Variants in CCDC85A observed in about 807,000 individuals in gnomAD.
The protein encoded by CCDC85A is coiled-coil domain-containing protein 85A.
In CCDC85A, 38 loss-of-function variants were observed where a neutral mutation model predicts 50.2. The ratio of observed to expected loss-of-function variants is 0.76; its 90% CI spans 0.58 to 0.99. The LOEUF (loss-of-function observed/expected upper bound fraction) is 0.99, where lower values mean the gene tolerates loss of function less well. CCDC85A is among the 50% of genes least tolerant of loss of function. The pLI is 0.00. For missense variants in CCDC85A, 820 were observed against 742.0 expected (o/e 1.11, Z -1.22); for synonymous variants, 366 against 301.4 (o/e 1.21, Z -2.22).
chr2:56,289,283 A>G (rs763377148), intron 2 of CCDC85A, among the ~76,000 whole-genome samples: 6 of 152,140 alleles, frequency 3.9e-5, no homozygotes, highest in African/African-American at 7.2e-5. Context: ...ACTATTCAGT[A>G]TGACAGACAT....
At chr2:56,332,132 A>T (rs895315052) in intron 2 of CCDC85A, among the ~76,000 whole-genome samples, 3 of 152,222 alleles carry the variant, frequency 2.0e-5, no homozygotes, top group Non-Finnish European at 2.9e-5. Context: ...GGGCATATGT[A>T]ACCAAAAGAG....
In CCDC85A at chr2:56,198,960, A is replaced by C. The variant is rs138076675; in HGVS notation, c.1240+5520A>C. Among the ~76,000 whole-genome samples, 352 of 152,342 alleles carry C rather than the reference A, an allele frequency of 2.3e-3. 3 individuals are homozygous for C. The highest frequency in any genetic ancestry group is 8.2e-3 in the African/African-American group (339 of 41,584). ...CTAGTTGCTGCCATAAAGTAAACCA[A>C]GAATCTCTTTCAACTGATTATAATC... On this transcript the variant is annotated intron_variant, in intron 2 of 5. Coordinates refer to ENST00000407595, the MANE Select transcript of CCDC85A (RefSeq NM_001080433.2).
chr2:56,193,023 A>G lies in CCDC85A; in HGVS notation c.823A>G (p.Lys275Glu). 1.2e-6 allele frequency: 2 copies of G among 1,613,882 alleles called. No individual in the cohort carries two copies. The highest frequency in any genetic ancestry group is 1.7e-6 in the Non-Finnish European group (2 of 1,179,864). Residue 275 changes from lysine to glutamate, a missense_variant, in exon 2 of 6, where the codon AAA becomes GAA. Lys to Glu is a moderately conservative substitution (Grantham distance 56, BLOSUM62 1). Transcript: ENST00000407595. Reference sequence around the variant, plus strand: ...AACCCCAGATCGCCCCAAAGCACTCAAAGGACCTAGCCCGGAGCACCACAA... The same window carrying G: ...AACCCCAGATCGCCCCAAAGCACTCGAAGGACCTAGCCCGGAGCACCACAA... ...CGTPDRPKAL[K>E]GPSPEHHKPL...
intron 2 of CCDC85A, among the ~76,000 whole-genome samples, chr2:56,246,356 C>T (rs911383197): frequency 1.3e-5 from 2 of 151,816 alleles, no homozygotes; most frequent in African/African-American, 2.4e-5. Context: ...TGATAATGTC[C>T]TTTGAAGCAT....
At chr2:56,269,079 A>G (rs1670584753) in intron 2 of CCDC85A, among the ~76,000 whole-genome samples, 1 of 151,964 alleles carries the variant, frequency 6.6e-6, no homozygotes. Flanking sequence ...TTCTTACCTC[A>G]TCCCTTCTTG....
chr2:56,349,756 A>G (rs1446970466), intron 3 of CCDC85A, among the ~76,000 whole-genome samples: 1 of 152,216 alleles, frequency 6.6e-6, no homozygotes, highest in Non-Finnish European at 1.5e-5. Context: ...TGTGTTATCA[A>G]TAATTCATAT....
chr2:56,226,194 A>T (rs1668535352), intron 2 of CCDC85A, among the ~76,000 whole-genome samples: 1 of 152,210 alleles, frequency 6.6e-6, no homozygotes, highest in South Asian at 2.1e-4. Context: ...CCAGCCATTT[A>T]CTTGCTCTGA....
At chr2:56,304,349 G>A (rs1016604159) in intron 2 of CCDC85A, among the ~76,000 whole-genome samples, 1 of 152,166 alleles carries the variant, frequency 6.6e-6, no homozygotes, top group Admixed American at 6.5e-5. Flanking sequence ...CACTGAAAAT[G>A]TATTCTGAGT....
At chr2:56,269,274 TCTACTGCTCTTTAGCTGGC>T (rs1670593309) in intron 2 of CCDC85A, among the ~76,000 whole-genome samples, 1 of 152,086 alleles carries the variant, frequency 6.6e-6, no homozygotes, top group African/African-American at 2.4e-5. Flanking sequence ...TACTCCCAGC[TCTACTGCTCTTTAGCTGGC>T]TCCCAAAATG....
rs529710443 is a variant in CCDC85A at position 56,242,433 on chromosome 2, A to T, written c.1240+48993A>T. On this transcript the variant is annotated intron_variant, in intron 2 of 5. Coordinates refer to ENST00000407595, the MANE Select transcript of CCDC85A (RefSeq NM_001080433.2). ...AAGGCAAAGGGGGAGTAGGCACATCACATGGTGAGAATGGAGCAAGAAAGA... is the reference window on the plus strand; with the variant it reads ...AAGGCAAAGGGGGAGTAGGCACATCTCATGGTGAGAATGGAGCAAGAAAGA... Among the ~76,000 whole-genome samples, 10 of 152,242 alleles carry T rather than the reference A, an allele frequency of 6.6e-5. No homozygotes were observed. In the East Asian group the frequency reaches 1.9e-3, roughly 29 times the overall value.
At chr2:56,323,028 G>A (rs555431884) in intron 2 of CCDC85A, among the ~76,000 whole-genome samples, 1 of 152,208 alleles carries the variant, frequency 6.6e-6, no homozygotes, top group South Asian at 2.1e-4. Context: ...ATCATTATGA[G>A]CAAACTGTTG....
At chr2:56,366,666 AC>A (rs1459229695) in intron 3 of CCDC85A, among the ~76,000 whole-genome samples, 3 of 152,140 alleles carry the variant, frequency 2.0e-5, no homozygotes, top group African/African-American at 7.2e-5. Flanking sequence ...TTAGGAACTC[AC>A]ATTAGCCAGT....
At chr2:56,304,267 T>G (rs1373498930) in intron 2 of CCDC85A, among the ~76,000 whole-genome samples, 15 of 152,224 alleles carry the variant, frequency 9.9e-5, no homozygotes, top group Admixed American at 9.8e-4. Flanking sequence ...CTTTCTTGAC[T>G]TAATGGAGAA....
intron 1 of CCDC85A, among the ~76,000 whole-genome samples, chr2:56,190,646 T>C (rs1278154353): frequency 1.3e-5 from 2 of 152,080 alleles, no homozygotes; most frequent in Non-Finnish European, 2.9e-5. Flanking sequence ...GCATTCCAGG[T>C]GAGAGGGAAA....
intron 2 of CCDC85A, among the ~76,000 whole-genome samples, chr2:56,254,270 C>T (rs376588138): frequency 1.8e-4 from 28 of 152,102 alleles, no homozygotes; most frequent in African/African-American, 5.5e-4. Context: ...TTAACATTCT[C>T]GGAGGGTTCC....
intron 2 of CCDC85A, among the ~76,000 whole-genome samples, chr2:56,327,208 A>C (rs1302903324): frequency 3.9e-5 from 6 of 152,172 alleles, no homozygotes; most frequent in African/African-American, 1.4e-4. Flanking sequence ...AACCACTAAT[A>C]AGGTTTATTG....
intron 3 of CCDC85A, among the ~76,000 whole-genome samples, chr2:56,371,181 G>A (rs1676053587): frequency 6.6e-6 from 1 of 152,122 alleles, no homozygotes; most frequent in African/African-American, 2.4e-5. Context: ...TACGTGAGAA[G>A]TAGAGTATGT....
rs1257008611 is a variant in CCDC85A, at chr2:56,184,863, G to T, written c.239G>T (p.Arg80Leu). ...AACCTCATCCGCGAGGTGAACCGCC[G>T]CCTGCAGCTGCACCTCGGCGAGATC... is the stretch of plus-strand genomic sequence containing the variant. ...HSNLIREVNR[R>L]LQLHLGEIRG... Residue 80 changes from arginine to leucine, a missense_variant, in exon 1 of 6, where the codon CGC becomes CTC. Transcript: ENST00000407595. 30 of 1,535,650 alleles carry T rather than the reference G, an allele frequency of 2.0e-5. No homozygotes were observed. Among genetic ancestry groups the T allele is most frequent in the Non-Finnish European group, 2.5e-5 (29 of 1,143,514 alleles).
At chr2:56,376,485 A>C (rs914995547) in intron 5 of CCDC85A, among the ~76,000 whole-genome samples, 1 of 152,332 alleles carries the variant, frequency 6.6e-6, no homozygotes, top group Admixed American at 6.5e-5. Context: ...GGTGTTATAC[A>C]TAAAGCTACT....
Sources: allele counts gnomAD v4.1 joint callset (sites outside exome capture counted in the v4.1 genomes callset), GRCh38; gene constraint gnomAD v4.1.1; transcripts MANE v1.5; gene names NCBI Gene and HGNC (gene_info 2026-07-23, HGNC 2026-07-21).